GRIP1: variants seen among roughly 807,000 people sequenced by gnomAD.
The protein encoded by GRIP1 is glutamate receptor-interacting protein 1.
Under a neutral mutation model 129.9 loss-of-function variants are expected in GRIP1, and 45 were observed. The observed-to-expected ratio is 0.35, with a 90% CI of 0.27 to 0.44. The LOEUF is 0.44. Ranked by LOEUF, GRIP1 falls within the 20% of genes least tolerant of loss-of-function variation. The pLI is 1.00. For missense variants in GRIP1, 1,196 were observed against 1,396.8 expected, an observed-to-expected ratio of 0.86 and a Z score of 2.29; for synonymous variants, 530 against 520.8, an observed-to-expected ratio of 1.02 and a Z score of -0.24.
chr12:66,984,959 G>A (rs1298364143), intron 1 of GRIP1, among the ~76,000 whole-genome samples: 2 of 152,150 alleles, frequency 1.3e-5, no homozygotes, highest in African/African-American at 4.8e-5. Flanking sequence ...ATTGTCAGCT[G>A]GGGTGGCTAA....
rs373860547 is a variant in GRIP1, at chr12:66,941,785, T to C, written c.58+127265A>G. Among the ~76,000 whole-genome samples the C allele has an allele frequency of 1.3e-4, 20 of 152,334 alleles. 1 individual carries two copies. The East Asian group carries it at 3.5e-3, about 26-fold the overall frequency. On this transcript the variant is annotated intron_variant, in intron 1 of 1. Coordinates refer to the GRIP1 transcript ENST00000643019. ...AATTAAATGGCAGCCAGTAACGTAA[T>C]CATGATCCTCCTGAATTATTCATTG... is the stretch of plus-strand genomic sequence containing the variant.
intron 23 of GRIP1, among the ~76,000 whole-genome samples, chr12:66,369,844 G>A (rs1383489231): frequency 6.6e-6 from 1 of 152,160 alleles, no homozygotes; most frequent in Non-Finnish European, 1.5e-5. Context: ...CAGCCTAATG[G>A]TGTATGTCAA....
intron 23 of GRIP1, among the ~76,000 whole-genome samples, chr12:66,357,263 C>T (rs758634979): frequency 4.1e-4 from 60 of 145,304 alleles, no homozygotes; most frequent in Non-Finnish European, 8.2e-4. Context: ...TGTTAAATCT[C>T]CTCTTACCTG....
At chr12:66,887,631 T>A (rs1218459469) in intron 1 of GRIP1, among the ~76,000 whole-genome samples, 1 of 152,260 alleles carries the variant, frequency 6.6e-6, no homozygotes, top group Non-Finnish European at 1.5e-5. Context: ...ATTCTACACA[T>A]GCTTTGAGAG....
chr12:66,381,250 C>T (rs1168415347), intron 19 of GRIP1, among the ~76,000 whole-genome samples: 4 of 152,180 alleles, frequency 2.6e-5, no homozygotes. Context: ...ATGTCTCATT[C>T]TCTTTTTCCT....
intron 14 of GRIP1, among the ~76,000 whole-genome samples, chr12:66,425,165 G>A (rs946954277): frequency 6.6e-6 from 1 of 152,054 alleles, no homozygotes; most frequent in Non-Finnish European, 1.5e-5. Flanking sequence ...TTCTAGGCTG[G>A]CAATCCTTCT....
At chr12:66,636,061 C>A (rs545441906) in intron 1 of GRIP1, among the ~76,000 whole-genome samples, 39 of 152,110 alleles carry the variant, frequency 2.6e-4, no homozygotes, top group Non-Finnish European at 5.1e-4. Context: ...AAATAATTTA[C>A]AATGGAATAT....
At chr12:66,608,581 C>G (rs2064648211) in intron 1 of GRIP1, among the ~76,000 whole-genome samples, 1 of 152,148 alleles carries the variant, frequency 6.6e-6, no homozygotes, top group Non-Finnish European at 1.5e-5. Flanking sequence ...ATCAGCCAGC[C>G]TCAACCTCCC....
At chr12:66,812,716 C>T (rs2039127646) in intron 1 of GRIP1, among the ~76,000 whole-genome samples, 1 of 152,168 alleles carries the variant, frequency 6.6e-6, no homozygotes, top group African/African-American at 2.4e-5. Flanking sequence ...GTATTTAGTG[C>T]CAGTCACATG....
chr12:66,442,085 T>G (rs145344607), intron 13 of GRIP1, among the ~76,000 whole-genome samples: 9 of 152,324 alleles, frequency 5.9e-5, no homozygotes, highest in African/African-American at 2.2e-4. Flanking sequence ...TCCCCTCCCA[T>G]GTCAGAAGGC....
chr12:66,373,991 T>G (rs1253734921), intron 22 of GRIP1, among the ~76,000 whole-genome samples: 1 of 152,182 alleles, frequency 6.6e-6, no homozygotes, highest in Admixed American at 6.5e-5. Context: ...AAATGTTAGG[T>G]TGAATCATAT....
At chr12:66,758,749 G>C (rs2037379071) in intron 1 of GRIP1, among the ~76,000 whole-genome samples, 1 of 152,174 alleles carries the variant, frequency 6.6e-6, no homozygotes, top group Admixed American at 6.5e-5. Context: ...CAGGGCCCAT[G>C]CAAGTCCAAA....
intron 6 of GRIP1, among the ~76,000 whole-genome samples, chr12:66,517,032 C>T (rs187783263): frequency 1.2e-4 from 19 of 152,206 alleles, no homozygotes; most frequent in East Asian, 7.7e-4. Flanking sequence ...GTCCCTAGCA[C>T]GTAGTAAATG....
chr12:66,768,719 G>A (rs548288868), intron 1 of GRIP1, among the ~76,000 whole-genome samples: 29 of 152,276 alleles, frequency 1.9e-4, no homozygotes, highest in African/African-American at 6.3e-4. Flanking sequence ...CTATCCTTTT[G>A]ATATGGTGAT....
intron 1 of GRIP1, among the ~76,000 whole-genome samples, chr12:66,930,519 G>C (rs886986232): frequency 2.8e-4 from 43 of 151,266 alleles, no homozygotes; most frequent in Non-Finnish European, 6.0e-4. Context: ...TTGGACATTT[G>C]GGTTGGTTCC....
At chr12:66,411,047 C>T (rs1399689191) in intron 15 of GRIP1, among the ~76,000 whole-genome samples, 1 of 152,114 alleles carries the variant, frequency 6.6e-6, no homozygotes, top group African/African-American at 2.4e-5. Context: ...CTCTCTTGTT[C>T]AGTTGACTTA....
intron 1 of GRIP1, among the ~76,000 whole-genome samples, chr12:66,940,591 C>G (rs2041568817): frequency 1.3e-5 from 2 of 152,104 alleles, no homozygotes; most frequent in African/African-American, 2.4e-5. Context: ...GGATAAAATT[C>G]TTATTAGTTT....
chr12:67,047,551 T>C (rs931504951), intron 1 of GRIP1, among the ~76,000 whole-genome samples: 2 of 152,198 alleles, frequency 1.3e-5, no homozygotes, highest in Non-Finnish European at 1.5e-5. Context: ...ATTTTGTCTG[T>C]TTTGTTCACT....
At chr12:66,772,159 T>G (rs1300148761) in intron 1 of GRIP1, among the ~76,000 whole-genome samples, 1 of 152,210 alleles carries the variant, frequency 6.6e-6, no homozygotes, top group Non-Finnish European at 1.5e-5. Context: ...TTCAGTTATT[T>G]GTCCAAGGTC....
Sources: gnomAD v4.1 joint callset for allele counts (sites outside exome capture counted in the v4.1 genomes callset) on GRCh38, gnomAD v4.1.1 for gene constraint, MANE v1.5 for transcripts, NCBI Gene and HGNC (gene_info 2026-07-23, HGNC 2026-07-21) for gene names.